DGKB: variants seen among roughly 807,000 people sequenced by gnomAD.
DGKB encodes the protein 90 kDa diacylglycerol kinase.
DGKB carries 67 observed loss-of-function variants against 114.3 expected under a neutral mutation model. The ratio of observed to expected loss-of-function variants is 0.59; its 90% CI spans 0.48 to 0.72. The LOEUF (loss-of-function observed/expected upper bound fraction) is 0.72, where lower values mean the gene tolerates loss of function less well. DGKB is among the 30% of genes least tolerant of loss of function. The pLI is 0.00. For synonymous variants in DGKB, 398 were observed against 323.1 expected (o/e 1.23, Z -2.49); for missense variants, 907 against 975.2 (o/e 0.93, Z 0.93).
chr7:14,590,746 G>A (rs1486960229), intron 17 of DGKB, among the ~76,000 whole-genome samples: 1 of 152,004 alleles, frequency 6.6e-6, no homozygotes. Flanking sequence ...TTAACACCAC[G>A]TGGTTTGTTG....
At position 14,920,613 on chromosome 7, in the gene DGKB, C is replaced by T. The variant is rs188452818; in HGVS notation, c.-188+54083G>A. Among the ~76,000 whole-genome samples, 222 of 152,254 alleles carry T rather than the reference C, an allele frequency of 1.5e-3. 2 individuals are homozygous for T. The highest frequency in any genetic ancestry group is 5.3e-3 in the African/African-American group (219 of 41,554). On this transcript the variant is annotated intron_variant, in intron 1 of 4. Coordinates refer to the DGKB transcript ENST00000437998. ...AGTTTCTTACAAAGTTAAACATAGT[C>T]TTATCATATGATCCAGCAATCACAC...
intron 1 of DGKB, among the ~76,000 whole-genome samples, chr7:14,939,273 C>T (rs752355372): frequency 1.3e-5 from 2 of 152,122 alleles, no homozygotes; most frequent in Non-Finnish European, 2.9e-5. Context: ...GAATTTATCT[C>T]GTGCCCAGAG....
chr7:14,508,411 T>C (rs909590810), intron 20 of DGKB, among the ~76,000 whole-genome samples: 1 of 152,250 alleles, frequency 6.6e-6, no homozygotes, highest in African/African-American at 2.4e-5. Flanking sequence ...ATAACCCATT[T>C]TCTGCTGTTT....
chr7:14,812,531 T>C (rs1210783269), intron 2 of DGKB, among the ~76,000 whole-genome samples: 1 of 152,152 alleles, frequency 6.6e-6, no homozygotes, highest in Non-Finnish European at 1.5e-5. Flanking sequence ...TCTAAAGTCA[T>C]TCTTCTTTAA....
chr7:14,376,803 C>A (rs1420093763), intron 21 of DGKB, among the ~76,000 whole-genome samples: 9 of 152,156 alleles, frequency 5.9e-5, no homozygotes, highest in Non-Finnish European at 8.8e-5. Context: ...CTAGATATTT[C>A]CACAGAGGCA....
At chr7:14,739,652 C>T (rs1464821) in intron 4 of DGKB, among the ~76,000 whole-genome samples, 97,814 of 152,034 alleles carry the variant, frequency 0.64, 35,189 homozygotes, top group Non-Finnish European at 0.81. Context: ...TGAGGAAGAG[C>T]GAGTAAAATG....
chr7:14,644,027 C>T (rs6953043), intron 13 of DGKB, among the ~76,000 whole-genome samples: 119,554 of 151,968 alleles, frequency 0.79, 47,364 homozygotes, highest in African/African-American at 0.87. Flanking sequence ...TACCTGGGCT[C>T]TCCCAAAGAA....
intron 23 of DGKB, among the ~76,000 whole-genome samples, chr7:14,239,037 C>G (rs1793249869): frequency 6.6e-6 from 1 of 151,986 alleles, no homozygotes. Context: ...CACTGCCTAA[C>G]TTTGTAACTG....
In DGKB at chr7:14,647,956, C is replaced by A. The variant is rs547062659; in HGVS notation, c.1135-17688G>T. ...TCTGACGGGCTTAAAAAATGGCGCA[C>A]CATGAGATTATATCCTGCACCTGGC... is the stretch of plus-strand genomic sequence containing the variant. On this transcript the variant is annotated intron_variant, in intron 13 of 25. Transcript: ENST00000402815. 5.9e-5 allele frequency among the ~76,000 whole-genome samples: 9 copies of A among 152,324 alleles called. No homozygotes were observed. The South Asian group carries it at 1.2e-3, about 21-fold the overall frequency.
rs1805925371 is a variant in DGKB at position 14,613,381 on chromosome 7, T to TA, written c.1316dup (p.Leu439PhefsTer46). On this transcript the variant is annotated frameshift_variant, in exon 16 of 26. Coordinates refer to ENST00000402815, the MANE Select transcript of DGKB (RefSeq NM_001350709.2). LOFTEE classifies it high-confidence loss of function. Reference sequence around the variant, plus strand: ...CACCACTTTTGGGGTTCACAAAAACTAAAAGTGGGTGAGTACCAGGCACAG... The same window carrying TA: ...CACCACTTTTGGGGTTCACAAAAACTAAAAAGTGGGTGAGTACCAGGCACAG... The TA allele has an allele frequency of 6.4e-7, 1 of 1,570,398 alleles. No individual in the cohort carries two copies. The highest frequency in any genetic ancestry group is 1.4e-5 in the African/African-American group (1 of 73,818).
intron 23 of DGKB, among the ~76,000 whole-genome samples, chr7:14,214,751 G>C (rs770775584): frequency 7.9e-5 from 12 of 152,068 alleles, no homozygotes; most frequent in Admixed American, 6.6e-4. Context: ...ACAAAATGTA[G>C]CACAATTTCA....
At chr7:14,204,225 C>T (rs1786380474) in intron 23 of DGKB, among the ~76,000 whole-genome samples, 1 of 151,912 alleles carries the variant, frequency 6.6e-6, no homozygotes, top group African/African-American at 2.4e-5. Flanking sequence ...AAAATGAGGA[C>T]TGTGCTTTTG....
chr7:14,577,909 A>G (rs1049406211), intron 19 of DGKB, among the ~76,000 whole-genome samples: 2 of 152,338 alleles, frequency 1.3e-5, no homozygotes, highest in Non-Finnish European at 2.9e-5. Context: ...TATTAAGCAT[A>G]ATAATAATTA....
At chr7:14,468,805 G>A (rs991423179) in intron 21 of DGKB, among the ~76,000 whole-genome samples, 4 of 151,876 alleles carry the variant, frequency 2.6e-5, no homozygotes, top group Non-Finnish European at 4.4e-5. Flanking sequence ...ATTAATTACT[G>A]TTACTTTACA....
intron 1 of DGKB, among the ~76,000 whole-genome samples, chr7:14,921,639 C>T (rs113069371): frequency 6.6e-6 from 1 of 152,138 alleles, no homozygotes; most frequent in African/African-American, 2.4e-5. Flanking sequence ...TTCTGTTAAC[C>T]ATCCTATAAT....
intron 21 of DGKB, among the ~76,000 whole-genome samples, chr7:14,377,665 C>A (rs971637257): frequency 6.6e-6 from 1 of 152,112 alleles, no homozygotes; most frequent in African/African-American, 2.4e-5. Context: ...ATATCCAAAC[C>A]GTATACCTAG....
chr7:14,907,242 T>C (rs759850734), upstream of DGKB, among the ~76,000 whole-genome samples: 1 of 152,214 alleles, frequency 6.6e-6, no homozygotes, highest in Non-Finnish European at 1.5e-5. Flanking sequence ...TCTCCTCTTT[T>C]ACAGGAGAGG....
intron 20 of DGKB, among the ~76,000 whole-genome samples, chr7:14,505,236 A>G (rs1786844953): frequency 6.6e-6 from 1 of 152,108 alleles, no homozygotes; most frequent in Non-Finnish European, 1.5e-5. Context: ...TGGCAGATCA[A>G]CTGAAATCAG....
intron 13 of DGKB, among the ~76,000 whole-genome samples, chr7:14,632,365 G>A (rs1265782737): frequency 1.3e-5 from 2 of 151,554 alleles, no homozygotes; most frequent in East Asian, 3.9e-4. Context: ...GCTATGTGCA[G>A]CTTACTTTCA....
Sources: allele counts gnomAD v4.1 joint callset (sites outside exome capture counted in the v4.1 genomes callset), GRCh38; gene constraint gnomAD v4.1.1; transcripts MANE v1.5; gene names NCBI Gene and HGNC (gene_info 2026-07-23, HGNC 2026-07-21).